ACAA1: variants seen among roughly 807,000 people sequenced by gnomAD.
The protein encoded by ACAA1 is acetyl-CoA acyltransferase 1, also known as 3-ketoacyl-CoA thiolase, peroxisomal.
ACAA1 carries 44 observed loss-of-function variants against 48.8 expected under a neutral mutation model. The observed-to-expected ratio is 0.90, with a 90% CI of 0.71 to 1.16. ACAA1 has a LOEUF of 1.16. Ranked by LOEUF, ACAA1 falls within the 50% of genes most tolerant of loss-of-function variation. The probability of loss-of-function intolerance (pLI) is 0.00; values close to 1 mark genes in which losing one functional copy is unlikely to be tolerated. For synonymous variants in ACAA1, 233 were observed against 226.5 expected, an observed-to-expected ratio of 1.03 and a Z score of -0.26; for missense variants, 512 against 562.3, an observed-to-expected ratio of 0.91 and a Z score of 0.90.
At chr3:38,128,256 G>A (rs1478430067) in intron 6 of ACAA1, among the ~76,000 whole-genome samples, 2 of 152,220 alleles carry the variant, frequency 1.3e-5, no homozygotes, top group African/African-American at 4.8e-5. Context: ...CTCCTGGCCA[G>A]CTTCTCCTAT....
intron 3 of ACAA1, chr3:38,132,587 G>T (rs761774242): frequency 6.6e-6 from 1 of 152,438 alleles, no homozygotes; most frequent in Non-Finnish European, 1.5e-5. Flanking sequence ...GGTTCCCCAA[G>T]ACTCTCATAC....
chr3:38,123,271 G>A (rs1700581159), intron 11 of ACAA1, 149 bp from the exon 12 acceptor site: 3 of 692,304 alleles, frequency 4.3e-6, no homozygotes, highest in African/African-American at 3.5e-5. Context: ...TCCCACTTGG[G>A]CACACACACG....
In ACAA1 at chr3:38,123,074, A is replaced by G; in HGVS notation, c.1248T>C (p.Ala416=). Residue 416 remains alanine, a synonymous_variant, in exon 12 of 12, where the codon GCT becomes GCC. Coordinates refer to ENST00000333167, the MANE Select transcript of ACAA1 (RefSeq NM_001607.4). Reference sequence around the variant, plus strand: ...AGTTCCCAGGGTATTCAAAGACGGCAGCGGCTCCCATTCCAGTCCCGATGC... The same window carrying G: ...AGTTCCCAGGGTATTCAAAGACGGCGGCGGCTCCCATTCCAGTCCCGATGC... ...SMCIGTGMGA[A]AVFEYPGN 6.2e-7 allele frequency: 1 copy of G among 1,614,206 alleles called. No individual in the cohort carries two copies.
At chr3:38,127,187 A>G (rs1221610590) in intron 7 of ACAA1, among the ~76,000 whole-genome samples, 3 of 152,202 alleles carry the variant, frequency 2.0e-5, no homozygotes, top group African/African-American at 7.2e-5. Flanking sequence ...CCTTGCAAAT[A>G]TGTGCAGCAT....
chr3:38,136,613 G>C lies in ACAA1; in HGVS notation c.244C>G (p.Gln82Glu). The part of the protein sequence containing the change: ...VLKDVNLRPE[Q>E]LGDICVGNVL... ...TCACCGACACAGATGTCCCCCAGCT[G>C]TTCCGGCCTCAGATTCACGTCCTTG... Residue 82 changes from glutamine (Q) to glutamate (E), a missense_variant, in exon 2 of 12, where the codon CAG (glutamine) becomes GAG (glutamate). Gln to Glu is a conservative substitution (Grantham distance 29). Transcript: ENST00000333167. 6.2e-7 allele frequency: 1 copy of C among 1,614,066 alleles called. No individual in the cohort carries two copies. The highest frequency in any genetic ancestry group is 8.5e-7 in the Non-Finnish European group (1 of 1,180,006).
At chr3:38,134,240 C>T (rs1018018106) in intron 2 of ACAA1, 2 of 574,292 alleles carry the variant, frequency 3.5e-6, no homozygotes, top group Admixed American at 3.2e-5. Flanking sequence ...CGCTCACTTG[C>T]CCATGCACCC....
intron 11 of ACAA1, chr3:38,124,489 C>T (rs1422199286): frequency 6.6e-6 from 1 of 151,900 alleles, no homozygotes; most frequent in African/African-American, 2.4e-5. Context: ...CACGTGTAGT[C>T]TCAGCTACTC....
At chr3:38,132,040 C>A in intron 3 of ACAA1, 35 bp from the exon 4 acceptor site, 1 of 1,571,892 alleles carries the variant, frequency 6.4e-7, no homozygotes, top group South Asian at 1.1e-5. Context: ...AATCAGCCCC[C>A]AATTCCATGC....
At chr3:38,135,918 G>A (rs151207864) in intron 2 of ACAA1, among the ~76,000 whole-genome samples, 1 of 152,110 alleles carries the variant, frequency 6.6e-6, no homozygotes, top group Non-Finnish European at 1.5e-5. Flanking sequence ...CTTCCCACTA[G>A]GCCATATCTC....
chr3:38,127,724 T>C, intron 7 of ACAA1, 62 bp downstream of exon 7: 1 of 1,559,630 alleles, frequency 6.4e-7, no homozygotes, highest in South Asian at 1.1e-5. Context: ...TTCAGACCAC[T>C]TAGATAGACT....
chr3:38,123,107 C>T lies in ACAA1; in HGVS notation c.1215G>A (p.Val405=). Residue 405 remains valine (V), a synonymous_variant, in exon 12 of 12, where the codon GTG becomes GTA. Coordinates refer to ENST00000333167, the MANE Select transcript of ACAA1 (RefSeq NM_001607.4). The stretch of plus-strand genomic sequence containing the variant: ...CCATTCCAGTCCCGATGCACATGGA[C>T]ACCACTCCGTATGCCCTGTGAAAAC... ...KRRGKRAYGV[V]SMCIGTGMGA... The T allele has an allele frequency of 1.2e-6, 2 of 1,614,190 alleles. No homozygotes were observed. The highest frequency in any genetic ancestry group is 1.7e-6 in the Non-Finnish European group (2 of 1,180,018).
Position 38,136,958 on chromosome 3 carries a change from G to T in ACAA1, c.78C>A (p.Cys26Ter). Residue 26 changes from cysteine (C) to a stop codon, truncating the protein, a stop_gained, in exon 1 of 12, where the codon TGC (cysteine) becomes TGA (stop). Coordinates refer to ENST00000333167, the MANE Select transcript of ACAA1 (RefSeq NM_001607.4). LOFTEE classifies it high-confidence loss of function. ...CCGAGGCCTGCGGGGCACCGCTCAG[G>T]CAAGGCGCGGCCTGCGGCATCCAGC... ...DSGWMPQAAP[C>*]LSGAPQASAA... 1 of 1,550,364 alleles carries T rather than the reference G, an allele frequency of 6.5e-7. No individual in the cohort carries two copies. The highest frequency in any genetic ancestry group is 8.7e-7 in the Non-Finnish European group (1 of 1,150,024).
At position 38,127,841 on chromosome 3, in the gene ACAA1, G is replaced by A. The variant is rs373786619; in HGVS notation, c.571C>T (p.Arg191Trp). The part of the protein sequence containing the change: ...MGITSENVAE[R>W]FGISREKQDT... Reference sequence around the variant, plus strand: ...TGCTTCTCCCGTGAAATGCCAAACCGCTCAGCCACATTCTCAGAGGTTATC... The same window carrying A: ...TGCTTCTCCCGTGAAATGCCAAACCACTCAGCCACATTCTCAGAGGTTATC... The change falls in exon 7 of 12, where the codon CGG (arginine) becomes TGG (tryptophan). Residue 191 changes from arginine to tryptophan, a missense_variant. Arg to Trp is a moderately radical substitution (Grantham distance 101). Transcript: ENST00000333167. The A allele has an allele frequency of 8.7e-6, 14 of 1,614,008 alleles. No homozygotes were observed. Among genetic ancestry groups the A allele is most frequent in the Admixed American group, 1.7e-5 (1 of 59,996 alleles).
intron 11 of ACAA1, 118 bp from the exon 12 acceptor site, chr3:38,123,240 T>C (rs1700579948): frequency 1.0e-6 from 1 of 959,800 alleles, no homozygotes; most frequent in African/African-American, 1.6e-5. Flanking sequence ...ACCAGATCTG[T>C]GGGCAAGCGG....
chr3:38,126,581 C>G lies in ACAA1; in HGVS notation c.746G>C (p.Arg249Pro). Residue 249 changes from arginine (R) to proline (P), a missense_variant, in exon 8 of 12, where the codon CGC becomes CCC. Arg to Pro is a moderately radical substitution (Grantham distance 103). Transcript: ENST00000333167. This position sits in a 1 kb window ranked among gnomAD's most constrained non-coding sequence, Gnocchi z 4.7. Reference protein sequence around the residue: ...SITVTQDEGIRPSTTMEGLAK... With the variant: ...SITVTQDEGIPPSTTMEGLAK... ...CAGGCCCTCCATGGTGGTGCTGGGG[C>G]GGATACCCTCATCCTGGGTCACAGT... The G allele has an allele frequency of 6.2e-7, 1 of 1,614,192 alleles. No homozygotes were observed. Among genetic ancestry groups the G allele is most frequent in the Non-Finnish European group, 8.5e-7 (1 of 1,180,030 alleles).
chr3:38,129,327 C>T lies in ACAA1; in HGVS notation c.508G>A (p.Glu170Lys). 6.2e-7 allele frequency: 1 copy of T among 1,614,164 alleles called. No individual in the cohort carries two copies. The part of the protein sequence containing the change: ...NPGNITSRLM[E>K]KEKARDCLIP... The stretch of plus-strand genomic sequence containing the variant: ...AGGCAATCTCTGGCCTTCTCCTTCT[C>T]CATCAAGCGCGAAGTAATATTTCCA... Residue 170 changes from glutamate to lysine, a missense_variant, in exon 6 of 12, where the codon GAG (glutamate) becomes AAG (lysine). By Grantham distance (56) the Glu-to-Lys change is moderately conservative. Coordinates refer to ENST00000333167, the MANE Select transcript of ACAA1 (RefSeq NM_001607.4). The surrounding 1 kb of genome is among the most constrained non-coding windows in gnomAD (Gnocchi z 5.3).
chr3:38,124,285 C>T (rs1245802088), intron 11 of ACAA1: 2 of 152,168 alleles, frequency 1.3e-5, no homozygotes, highest in East Asian at 3.8e-4. Context: ...CCATGATGGA[C>T]AACCTACGTC....
rs2125773153 is a variant in ACAA1, at chr3:38,137,064, C to T, written c.-29G>A. ...GCAGGTCAACCCTGCAGACCAGCCA[C>T]CAGTCCGGGAACTGACCGCGGAGTT... On this transcript the variant is annotated 5_prime_UTR_variant, in exon 1 of 12. It adds an upstream start codon to the 5' untranslated region. Transcript: ENST00000333167. 1 of 1,521,146 alleles carries T rather than the reference C, an allele frequency of 6.6e-7. No homozygotes were observed. Among genetic ancestry groups the T allele is most frequent in the Non-Finnish European group, 8.8e-7 (1 of 1,137,048 alleles). The allele number at this position is 1,521,146 out of a possible 1,614,324, so 94.2% of individuals were successfully genotyped here. A position where few individuals can be genotyped will look rare whatever the true frequency, so the allele number is the denominator to read the frequency against.
At chr3:38,134,822 TC>T (rs902353989) in intron 2 of ACAA1, among the ~76,000 whole-genome samples, 4 of 152,040 alleles carry the variant, frequency 2.6e-5, no homozygotes, top group African/African-American at 4.8e-5. Context: ...GTCCAAGGTT[TC>T]CCCCCACTGA....
Sources: gnomAD v4.1 joint callset for allele counts (sites outside exome capture counted in the v4.1 genomes callset) on GRCh38, gnomAD v4.1.1 for gene constraint, Gnocchi (gnomAD v3.1) non-coding constraint, MANE v1.5 for transcripts, NCBI Gene and HGNC (gene_info 2026-07-23, HGNC 2026-07-21) for gene names.